Variants in ABCA4 observed in about 807,000 individuals in gnomAD.
ABCA4 encodes retinal-specific phospholipid-transporting ATPase ABCA4.
A neutral mutation model predicts 263.7 loss-of-function variants in ABCA4; 196 were observed. The ratio of observed to expected loss-of-function variants is 0.74; its 90% CI spans 0.66 to 0.84. The LOEUF is 0.84. ABCA4 is among the 40% of genes least tolerant of loss of function. ABCA4 has a pLI of 0.00. For missense variants in ABCA4, 2,792 were observed against 2,855.1 expected (o/e 0.98, Z 0.50); for synonymous variants, 1,133 against 1,094.2 (o/e 1.04, Z -0.70).
chr1:94,104,814 T>G (rs1662382151), intron 4 of ABCA4, among the ~76,000 whole-genome samples: 1 of 152,170 alleles, frequency 6.6e-6, no homozygotes, highest in South Asian at 2.1e-4. Flanking sequence ...TTCAAAAACA[T>G]AAATCCGGCT....
intron 1 of ABCA4, among the ~76,000 whole-genome samples, chr1:94,115,087 AC>A (rs753993935): frequency 2.6e-5 from 4 of 152,236 alleles, no homozygotes; most frequent in Non-Finnish European, 5.9e-5. Context: ...AGGGTCATGT[AC>A]ATTGGTGTCT....
chr1:94,025,489 C>G (rs1660016337), intron 30 of ABCA4: 1 of 271,978 alleles, frequency 3.7e-6, no homozygotes, highest in African/African-American at 2.2e-5. Flanking sequence ...CCAATAAACC[C>G]TGGGATCAAA....
At chr1:94,120,875 A>ACCCCCCCCCCTGC in intron 1 of ABCA4, 105 bp downstream of exon 1, 1 of 758,336 alleles carries the variant, frequency 1.3e-6, no homozygotes, top group Non-Finnish European at 2.2e-6. Flanking sequence ...ACTGCTCACA[A>ACCCCCCCCCCTGC]CCCCCCACCC....
rs61748559 is a variant in ABCA4 at position 94,063,157 on chromosome 1, C to G, written c.1715G>C (p.Arg572Pro). ...SLPPHVKYKI[R>P]MDIDVVEKTN... ...TTTCTCCACCACGTCTATGTCCATTCGGATCTTATACTTCACGTGGGGTGG... is the reference window on the plus strand; with the variant it reads ...TTTCTCCACCACGTCTATGTCCATTGGGATCTTATACTTCACGTGGGGTGG... The change falls in exon 12 of 50, where the codon CGA (arginine) becomes CCA (proline). Residue 572 changes from arginine (R) to proline (P), a missense_variant. Coordinates refer to ENST00000370225, the MANE Select transcript of ABCA4 (RefSeq NM_000350.3). 6.2e-7 allele frequency: 1 copy of G among 1,614,118 alleles called. No individual in the cohort carries two copies. Among genetic ancestry groups the G allele is most frequent in the Non-Finnish European group, 8.5e-7 (1 of 1,180,018 alleles).
intron 6 of ABCA4, among the ~76,000 whole-genome samples, chr1:94,092,655 TATGTGA>T (rs1662000832): frequency 6.6e-6 from 1 of 152,098 alleles, no homozygotes; most frequent in Admixed American, 6.5e-5. Context: ...GGCTCTTGGG[TATGTGA>T]ACAGACAAGT....
intron 17 of ABCA4, among the ~76,000 whole-genome samples, chr1:94,050,290 T>C (rs1660800031): frequency 6.6e-6 from 1 of 151,374 alleles, no homozygotes; most frequent in Non-Finnish European, 1.5e-5. Flanking sequence ...GTTTAATCAC[T>C]GGAATGAGTT....
At chr1:94,056,921 T>C (rs565261669) in intron 14 of ABCA4, 99 bp from the exon 15 acceptor site, 5 of 980,828 alleles carry the variant, frequency 5.1e-6, no homozygotes, top group Non-Finnish European at 7.9e-6. Context: ...GCAGTTAGTG[T>C]CTAAATTTCT....
chr1:94,032,123 C>G, intron 26 of ABCA4, 80 bp from the exon 27 acceptor site: 1 of 1,544,878 alleles, frequency 6.5e-7, no homozygotes, highest in South Asian at 1.1e-5. Flanking sequence ...TTTTCCCTTA[C>G]AGCATTGATT....
At position 94,026,940 on chromosome 1, in the gene ABCA4, AAGAG is replaced by A. The variant is rs928597617; in HGVS notation, c.4540-1896_4540-1893del. Among the ~76,000 whole-genome samples, 28 of 151,220 alleles carry A rather than the reference AAGAG, an allele frequency of 1.9e-4. No homozygotes were observed. In the East Asian group the frequency reaches 2.5e-3, roughly 14 times the overall value. ...GGTTTGTGAGTGTGTGTGTGTGAGAAAGAGAGAGAGAGAGAAAGATAGAGAGAGA... is the reference window on the plus strand; with the variant it reads ...GGTTTGTGAGTGTGTGTGTGTGAGAAAGAGAGAGAGAAAGATAGAGAGAGA... On this transcript the variant is annotated intron_variant, in intron 30 of 49. Transcript: ENST00000370225.
chr1:94,011,234 T>G, intron 39 of ABCA4, 28 bp downstream of exon 39: 2 of 1,613,824 alleles, frequency 1.2e-6, no homozygotes, highest in Non-Finnish European at 1.7e-6. Context: ...CCAGGGCCCA[T>G]GCTCCATGGG....
chr1:94,028,515 G>T (rs148291547), intron 30 of ABCA4, among the ~76,000 whole-genome samples: 10 of 152,356 alleles, frequency 6.6e-5, no homozygotes, highest in African/African-American at 2.4e-4. Context: ...GTTAATAAGT[G>T]TGTAAACACA....
At chr1:94,071,944 T>C (rs1262208455) in intron 11 of ABCA4, among the ~76,000 whole-genome samples, 5 of 152,184 alleles carry the variant, frequency 3.3e-5, no homozygotes, top group African/African-American at 1.2e-4. Flanking sequence ...ACATCTAGAG[T>C]CAATGAATTA....
At chr1:94,119,812 T>C (rs1281213605) in intron 1 of ABCA4, among the ~76,000 whole-genome samples, 1 of 152,186 alleles carries the variant, frequency 6.6e-6, no homozygotes, top group African/African-American at 2.4e-5. Flanking sequence ...CACTCATTCA[T>C]AGGCCTTCAC....
intron 15 of ABCA4, among the ~76,000 whole-genome samples, chr1:94,056,162 T>C (rs572490360): frequency 1.3e-5 from 2 of 152,372 alleles, no homozygotes; most frequent in Admixed American, 6.5e-5. Context: ...TTAAAGATAC[T>C]TGTGGAAATA....
intron 34 of ABCA4, 34 bp downstream of exon 34, chr1:94,021,606 T>C (rs1557768687): frequency 6.3e-7 from 1 of 1,578,578 alleles, no homozygotes; most frequent in Non-Finnish European, 8.7e-7. Flanking sequence ...GGTAAATTTT[T>C]AGCTCCAGAG....
At chr1:94,055,017 A>G in intron 16 of ABCA4, 94 bp downstream of exon 16, 2 of 1,269,726 alleles carry the variant, frequency 1.6e-6, no homozygotes, top group East Asian at 4.9e-5. Context: ...TCTGACAAAG[A>G]GCTTGGAAGA....
chr1:94,002,458 A>G (rs1659218340), intron 44 of ABCA4, among the ~76,000 whole-genome samples: 1 of 152,234 alleles, frequency 6.6e-6, no homozygotes, highest in South Asian at 2.1e-4. Context: ...GCACTGGAGA[A>G]CAATGTGAAC....
chr1:94,060,446 G>A, intron 14 of ABCA4, 91 bp downstream of exon 14: 2 of 1,210,718 alleles, frequency 1.7e-6, no homozygotes, highest in Non-Finnish European at 2.4e-6. Flanking sequence ...CTCCTTGGTG[G>A]CCACATGACT....
At chr1:94,059,598 T>C (rs1480208959) in intron 14 of ABCA4, 1 of 152,142 alleles carries the variant, frequency 6.6e-6, no homozygotes, top group African/African-American at 2.4e-5. Context: ...CAGCATGGGA[T>C]GGGAGACACT....
Sources: allele counts gnomAD v4.1 joint callset (sites outside exome capture counted in the v4.1 genomes callset), GRCh38; gene constraint gnomAD v4.1.1; transcripts MANE v1.5; gene names NCBI Gene and HGNC (gene_info 2026-07-23, HGNC 2026-07-21).